SHCBP1L: variants seen among roughly 807,000 people sequenced by gnomAD.
SHCBP1L encodes testicular spindle-associated protein SHCBP1L.
In SHCBP1L, 67 loss-of-function variants were observed where a neutral mutation model predicts 62.5. The observed-to-expected ratio is 1.07, with a 90% CI of 0.88 to 1.31. SHCBP1L has a LOEUF of 1.31. Among genes scored for constraint, SHCBP1L ranks in the 40% most tolerant of loss-of-function variants. SHCBP1L has a pLI of 0.00. For missense variants in SHCBP1L, 823 were observed against 809.8 expected (o/e 1.02, Z -0.20); for synonymous variants, 284 against 289.4 (o/e 0.98, Z 0.19).
rs781537173 is a variant in SHCBP1L, at chr1:182,939,216, G to A, written c.1036C>T (p.Leu346Phe). ...CWKKYYEIVM[L>F]CGLLKMWEDL... The stretch of plus-strand genomic sequence containing the variant: ...TCCCACATTTTCAGTAATCCACAGA[G>A]CATGACTATCTCATAGTATTTTTTC... The change falls in exon 5 of 10, where the codon CTC becomes TTC. Residue 346 changes from leucine to phenylalanine, a missense_variant. By Grantham distance (22) the Leu-to-Phe change is conservative. Transcript: ENST00000367547. 6.2e-7 allele frequency: 1 copy of A among 1,613,820 alleles called. No homozygotes were observed. Among genetic ancestry groups the A allele is most frequent in the Admixed American group, 1.7e-5 (1 of 59,994 alleles).
chr1:182,924,714 A>AAGAG (rs1491453062), intron 6 of SHCBP1L, among the ~76,000 whole-genome samples: 1 of 48,738 alleles, frequency 2.1e-5, no homozygotes, highest in African/African-American at 1.8e-4. Context: ...GAAAGAAAGA[A>AAGAG]AGAAAGAAAG....
rs1379900463 is a variant in SHCBP1L at position 182,904,098 on chromosome 1, C to T, written c.1587+82G>A. The stretch of plus-strand genomic sequence containing the variant: ...ATTCCACTAAAAGATGAAGAAATTG[C>T]TACCCTTTATTTGTATATTAAGATC... On this transcript the variant is annotated intron_variant, in intron 8 of 9. Coordinates refer to ENST00000367547, the MANE Select transcript of SHCBP1L (RefSeq NM_030933.4). 3 of 1,488,840 alleles carry T rather than the reference C, an allele frequency of 2.0e-6. No individual in the cohort carries two copies. The African/African-American group carries it at 4.2e-5, about 21-fold the overall frequency. 92.2% of individuals were successfully genotyped at this position (1,488,840 alleles called of 1,614,324 possible). A position where few individuals can be genotyped will look rare whatever the true frequency, so the allele number is the denominator to read the frequency against.
intron 6 of SHCBP1L, among the ~76,000 whole-genome samples, chr1:182,910,473 A>C (rs146990607): frequency 6.6e-5 from 10 of 152,044 alleles, no homozygotes; most frequent in African/African-American, 1.9e-4. Context: ...CTGGCAAAGA[A>C]AGATGATATT....
chr1:182,922,911 T>A (rs1650567830), intron 6 of SHCBP1L, among the ~76,000 whole-genome samples: 1 of 152,122 alleles, frequency 6.6e-6, no homozygotes. Flanking sequence ...AGAGTGGAAC[T>A]GAATGAATTT....
At position 182,924,790 on chromosome 1, in the gene SHCBP1L, G is replaced by C. The variant is rs199625651; in HGVS notation, c.1182+4857C>G. On this transcript the variant is annotated intron_variant, in intron 6 of 9. Coordinates refer to ENST00000367547, the MANE Select transcript of SHCBP1L (RefSeq NM_030933.4). ...AAAGAAAGAAAGAAAGAAAGAAAGA[G>C]AGAAAGAAAGGAAGGAAGGAAGGAG... Among the ~76,000 whole-genome samples, 20 of 73,414 alleles carry C rather than the reference G, an allele frequency of 2.7e-4. 3 individuals carry two copies. Among genetic ancestry groups the C allele is most frequent in the African/African-American group, 1.3e-3 (20 of 15,098 alleles). The allele number at this position is 73,414 out of a possible 152,430, so 48.2% of individuals were successfully genotyped here.
intron 6 of SHCBP1L, among the ~76,000 whole-genome samples, chr1:182,924,700 GGAAGAAAGAAAGAAAGAAAGAAA>G (rs1398572665): frequency 9.1e-4 from 77 of 84,296 alleles, no homozygotes; most frequent in Non-Finnish European, 1.2e-3. Flanking sequence ...GGAAAGGAAA[GGAAGAAAGAAAGAAAGAAAGAAA>G]GAAAGAAAGA....
At chr1:182,920,784 G>A (rs1391756249) in intron 6 of SHCBP1L, among the ~76,000 whole-genome samples, 1 of 152,048 alleles carries the variant, frequency 6.6e-6, no homozygotes, top group Non-Finnish European at 1.5e-5. Context: ...GAATAGACCA[G>A]GCTGAGGAAA....
At chr1:182,930,689 G>GTATATATA (rs1235603214) in intron 5 of SHCBP1L, among the ~76,000 whole-genome samples, 1 of 77,454 alleles carries the variant, frequency 1.3e-5, no homozygotes, top group African/African-American at 8.2e-5. Context: ...GTGTGTGTGT[G>GTATATATA]TGTGTGTGTG....
In SHCBP1L at chr1:182,952,907, G is replaced by A; in HGVS notation, c.227C>T (p.Ala76Val). Residue 76 changes from alanine (A) to valine (V), a missense_variant, in exon 1 of 10, where the codon GCT (alanine) becomes GTT (valine). Physicochemically the swap from Ala to Val is moderately conservative, Grantham distance 64. Coordinates refer to ENST00000367547, the MANE Select transcript of SHCBP1L (RefSeq NM_030933.4). The part of the protein sequence containing the change: ...ARLRLQRLPA[A>V]QAEDTGEAAA... Reference sequence around the variant, plus strand: ...CGCCTCTCCCGTGTCCTCGGCCTGAGCCGCGGGCAGGCGCTGGAGCCGCAG... The same window carrying A: ...CGCCTCTCCCGTGTCCTCGGCCTGAACCGCGGGCAGGCGCTGGAGCCGCAG... The A allele has an allele frequency of 6.3e-7, 1 of 1,575,850 alleles. No individual in the cohort carries two copies. Among genetic ancestry groups the A allele is most frequent in the Non-Finnish European group, 8.6e-7 (1 of 1,161,708 alleles).
chr1:182,949,359 C>T (rs540555261), intron 2 of SHCBP1L, among the ~76,000 whole-genome samples: 9 of 148,804 alleles, frequency 6.0e-5, no homozygotes, highest in Admixed American at 6.7e-5. Context: ...TGAAAGATCT[C>T]GGCAAAGCTA....
intron 5 of SHCBP1L, among the ~76,000 whole-genome samples, chr1:182,937,222 G>C (rs1289283256): frequency 6.6e-6 from 1 of 151,554 alleles, no homozygotes; most frequent in East Asian, 1.9e-4. Flanking sequence ...GCCTACTAAT[G>C]ATAAACTCTC....
At chr1:182,942,635 T>G (rs1046161243) in intron 2 of SHCBP1L, among the ~76,000 whole-genome samples, 1 of 152,236 alleles carries the variant, frequency 6.6e-6, no homozygotes, top group South Asian at 2.1e-4. Context: ...TGAAAATCAG[T>G]GCTTCAGAAC....
At chr1:182,921,073 T>G (rs1163963722) in intron 6 of SHCBP1L, among the ~76,000 whole-genome samples, 1 of 152,062 alleles carries the variant, frequency 6.6e-6, no homozygotes, top group African/African-American at 2.4e-5. Context: ...GACATAGTCA[T>G]CAGATTCTTC....
At chr1:182,908,632 T>C (rs1246316969) in intron 6 of SHCBP1L, among the ~76,000 whole-genome samples, 2 of 152,226 alleles carry the variant, frequency 1.3e-5, no homozygotes, top group African/African-American at 4.8e-5. Context: ...ACTCATGTTA[T>C]GAATTTCTCA....
At position 182,951,432 on chromosome 1, in the gene SHCBP1L, T is replaced by A. The variant is rs1651741274; in HGVS notation, c.441A>T (p.Leu147=). 18 of 1,609,116 alleles carry A rather than the reference T, an allele frequency of 1.1e-5. No homozygotes were observed. Among genetic ancestry groups the A allele is most frequent in the Non-Finnish European group, 1.5e-5 (18 of 1,177,394 alleles). ...TGTCTTTCAACTTTAATTTTTCTGA[T>A]AGGTATTTACCCATAACTTCATCAG... is the stretch of plus-strand genomic sequence containing the variant. ...EDADEVMGKY[L]SEKLKLKDKW... The change falls in exon 2 of 10, where the codon CTA becomes CTT. Residue 147 remains leucine, a synonymous_variant. Transcript: ENST00000367547.
intron 2 of SHCBP1L, among the ~76,000 whole-genome samples, chr1:182,950,925 T>G (rs1347639481): frequency 6.6e-6 from 1 of 151,968 alleles, no homozygotes; most frequent in Non-Finnish European, 1.5e-5. Context: ...AGTAGTTTTC[T>G]GATCCATTTC....
chr1:182,906,237 C>T (rs376649881), intron 6 of SHCBP1L, among the ~76,000 whole-genome samples: 11 of 151,848 alleles, frequency 7.2e-5, no homozygotes, highest in African/African-American at 2.2e-4. Context: ...TGCCCGGCAA[C>T]GTAAGTATTA....
At chr1:182,902,478 T>C (rs1649877280) in intron 9 of SHCBP1L, among the ~76,000 whole-genome samples, 1 of 152,172 alleles carries the variant, frequency 6.6e-6, no homozygotes, top group Admixed American at 6.5e-5. Flanking sequence ...GGAGACAAAA[T>C]GTACATTCAT....
chr1:182,939,564 C>A lies in SHCBP1L; in HGVS notation c.771-11G>T. On this transcript the variant is annotated splice_polypyrimidine_tract_variant and intron_variant, in intron 3 of 9. Transcript: ENST00000367547. ...AAGTCATAAAAAAACCTACGATAAACCAAATTAAGATGACAGTAATCAAAA... is the reference window on the plus strand; with the variant it reads ...AAGTCATAAAAAAACCTACGATAAAACAAATTAAGATGACAGTAATCAAAA... 6.3e-7 allele frequency: 1 copy of A among 1,580,176 alleles called. No homozygotes were observed. The highest frequency in any genetic ancestry group is 8.6e-7 in the Non-Finnish European group (1 of 1,164,948).
Sources: gnomAD v4.1 joint callset for allele counts (sites outside exome capture counted in the v4.1 genomes callset) on GRCh38, gnomAD v4.1.1 for gene constraint, MANE v1.5 for transcripts, NCBI Gene and HGNC (gene_info 2026-07-23, HGNC 2026-07-21) for gene names.